Variants in PXDNL observed in about 807,000 individuals in gnomAD.
PXDNL encodes the protein peroxidasin like, also known as probable oxidoreductase PXDNL.
PXDNL carries 145 observed loss-of-function variants against 150.8 expected under a neutral mutation model. That is an observed-to-expected ratio of 0.96 (90% CI 0.84 to 1.10). PXDNL has a LOEUF of 1.10. PXDNL is among the 50% of genes least tolerant of loss of function. PXDNL has a pLI of 0.00. For missense variants in PXDNL, 2,087 were observed against 1,873.9 expected, an observed-to-expected ratio of 1.11 and a Z score of -2.10; for synonymous variants, 757 against 725.7, an observed-to-expected ratio of 1.04 and a Z score of -0.69.
intron 17 of PXDNL, among the ~76,000 whole-genome samples, chr8:51,394,919 T>C (rs1586067328): frequency 6.6e-6 from 1 of 152,128 alleles, no homozygotes; most frequent in East Asian, 1.9e-4. Context: ...CAAGTGTAGA[T>C]AGGGACTGTC....
chr8:51,485,585 T>A (rs747569746), intron 5 of PXDNL, among the ~76,000 whole-genome samples: 3 of 152,146 alleles, frequency 2.0e-5, no homozygotes, highest in African/African-American at 7.2e-5. Context: ...CATCACCCTA[T>A]CCTGTTAAAT....
At chr8:51,420,881 G>A (rs939693305) in intron 14 of PXDNL, among the ~76,000 whole-genome samples, 1 of 152,092 alleles carries the variant, frequency 6.6e-6, no homozygotes, top group African/African-American at 2.4e-5. Context: ...GTAGAGACAG[G>A]GTTTCACTAT....
intron 4 of PXDNL, among the ~76,000 whole-genome samples, chr8:51,541,483 C>T (rs1812216494): frequency 6.7e-6 from 1 of 149,540 alleles, no homozygotes; most frequent in South Asian, 2.1e-4. Flanking sequence ...AAGTATTCCC[C>T]ACCCTGAGTG....
Position 51,408,305 on chromosome 8 carries a change from C to T in PXDNL, c.3319G>A (p.Val1107Met), listed in dbSNP as rs770252979. ...GAGGGTGCCCGCCATTTAGCAGCCA[C>T]GCCAAACAGCCCCCGGAGAACCGGG... is the stretch of plus-strand genomic sequence containing the variant. ...IDPVLRGLFG[V>M]AAKWRAPSYL... The change falls in exon 17 of 23, where the codon GTG (valine) becomes ATG (methionine). Residue 1107 changes from valine to methionine, a missense_variant. Val to Met is a conservative substitution (Grantham distance 21). Transcript: ENST00000356297. The T allele has an allele frequency of 1.9e-6, 3 of 1,613,840 alleles. No homozygotes were observed. The highest frequency in any genetic ancestry group is 1.3e-5 in the African/African-American group (1 of 74,930).
chr8:51,478,162 T>C (rs1023103669), intron 6 of PXDNL, among the ~76,000 whole-genome samples: 5 of 152,080 alleles, frequency 3.3e-5, no homozygotes, highest in Admixed American at 6.6e-5. Context: ...CAAGGAGCAA[T>C]AGAGTCAATC....
At chr8:51,797,972 AACAG>A (rs1275118727) in intron 1 of PXDNL, among the ~76,000 whole-genome samples, 4 of 152,214 alleles carry the variant, frequency 2.6e-5, no homozygotes, top group African/African-American at 9.6e-5. Flanking sequence ...CTGATACAAA[AACAG>A]ACACATAGAC....
chr8:51,689,518 T>C (rs1815945005), intron 1 of PXDNL, among the ~76,000 whole-genome samples: 1 of 152,156 alleles, frequency 6.6e-6, no homozygotes. Flanking sequence ...TGTGTACCAG[T>C]TAGTCTTATG....
intron 2 of PXDNL, among the ~76,000 whole-genome samples, chr8:51,636,613 C>A (rs1814607793): frequency 6.6e-6 from 1 of 151,920 alleles, no homozygotes; most frequent in African/African-American, 2.4e-5. Context: ...AATAAAATGT[C>A]TAGAAATAAA....
intron 1 of PXDNL, among the ~76,000 whole-genome samples, chr8:51,743,961 AAGAG>A (rs61485858): frequency 5.2e-5 from 5 of 96,460 alleles, no homozygotes; most frequent in South Asian, 3.8e-4. Context: ...AGAAAGAAAA[AAGAG>A]AGAGAAAAAA....
intron 2 of PXDNL, among the ~76,000 whole-genome samples, chr8:51,597,135 A>T (rs1813587855): frequency 6.6e-6 from 1 of 152,134 alleles, no homozygotes; most frequent in South Asian, 2.1e-4. Flanking sequence ...CTAGCCAGCT[A>T]TTCTAGCACC....
intron 2 of PXDNL, among the ~76,000 whole-genome samples, chr8:51,593,219 T>TAAA (rs1276113360): frequency 1.3e-5 from 2 of 152,160 alleles, no homozygotes; most frequent in Non-Finnish European, 2.9e-5. Context: ...AAACGATTTC[T>TAAA]AAAAAATCCA....
At chr8:51,488,469 G>C (rs925913712) in intron 5 of PXDNL, among the ~76,000 whole-genome samples, 17 of 152,032 alleles carry the variant, frequency 1.1e-4, no homozygotes, top group Admixed American at 2.6e-4. Context: ...ACAGCTAAGA[G>C]GAAAATGTTA....
At chr8:51,402,318 G>C (rs1808277226) in intron 17 of PXDNL, among the ~76,000 whole-genome samples, 1 of 152,080 alleles carries the variant, frequency 6.6e-6, no homozygotes, top group South Asian at 2.1e-4. Flanking sequence ...ATGTGGTCAG[G>C]AGTTTGAGAC....
chr8:51,804,218 T>C (rs1020257352), intron 1 of PXDNL, among the ~76,000 whole-genome samples: 12 of 152,192 alleles, frequency 7.9e-5, no homozygotes, highest in Non-Finnish European at 4.4e-5. Flanking sequence ...AGGTCATACA[T>C]AGATAAGAAA....
chr8:51,643,115 G>A (rs1585643052), intron 2 of PXDNL, among the ~76,000 whole-genome samples: 1 of 152,112 alleles, frequency 6.6e-6, no homozygotes, highest in South Asian at 2.1e-4. Context: ...TGGCCATACT[G>A]CCCAAGGTAA....
chr8:51,336,686 T>C (rs2130665173), intron 21 of PXDNL, among the ~76,000 whole-genome samples: 1 of 152,356 alleles, frequency 6.6e-6, no homozygotes, highest in East Asian at 1.9e-4. Flanking sequence ...TGATCTGGGT[T>C]GATTTCTGGC....
rs986221061 is a variant in PXDNL at position 51,409,490 on chromosome 8, G to C, written c.2134C>G (p.Arg712Gly). 1 of 1,612,182 alleles carries C rather than the reference G, an allele frequency of 6.2e-7. No individual in the cohort carries two copies. Among genetic ancestry groups the C allele is most frequent in the Admixed American group, 1.7e-5 (1 of 59,852 alleles). The change falls in exon 17 of 23, where the codon CGC becomes GGC. Residue 712 changes from arginine to glycine, a missense_variant. Arg to Gly is a moderately radical substitution (Grantham distance 125). Coordinates refer to ENST00000356297, the MANE Select transcript of PXDNL (RefSeq NM_144651.5). The part of the protein sequence containing the change: ...LIANLSGCTA[R>G]RPLPNCSNRC... ...TTGGAGCAGTTTGGCAGAGGCCTGC[G>C]AGCTGTGCATCCAGATAAATTGGCG...
intron 1 of PXDNL, among the ~76,000 whole-genome samples, chr8:51,770,599 G>T (rs1045674388): frequency 6.6e-6 from 1 of 152,140 alleles, no homozygotes; most frequent in African/African-American, 2.4e-5. Flanking sequence ...CCTGTCTCTT[G>T]ATCAGAATGC....
At chr8:51,544,528 T>C (rs943669317) in intron 4 of PXDNL, among the ~76,000 whole-genome samples, 6 of 152,202 alleles carry the variant, frequency 3.9e-5, no homozygotes, top group African/African-American at 1.2e-4. Flanking sequence ...TTTCTCCTGA[T>C]GTAGCCAACA....
Sources: gnomAD v4.1 joint callset for allele counts (sites outside exome capture counted in the v4.1 genomes callset) on GRCh38, gnomAD v4.1.1 for gene constraint, MANE v1.5 for transcripts, NCBI Gene and HGNC (gene_info 2026-07-23, HGNC 2026-07-21) for gene names.